The following KCNJ6 variants were observed in gnomAD, a reference collection of about 807,000 sequenced individuals.
KCNJ6 encodes potassium inwardly rectifying channel subfamily J member 6.
Under a neutral mutation model 34.2 loss-of-function variants are expected in KCNJ6, and 9 were observed. The ratio of observed to expected loss-of-function variants is 0.26; its 90% confidence interval spans 0.16 to 0.46. The LOEUF is 0.46. Ranked by LOEUF, KCNJ6 falls within the 20% of genes least tolerant of loss-of-function variation. The pLI is 1.00. For missense variants in KCNJ6, 236 were observed against 531.3 expected, an observed-to-expected ratio of 0.44 and a Z score of 5.46; for synonymous variants, 196 against 207.1, an observed-to-expected ratio of 0.95 and a Z score of 0.46.
intron 2 of KCNJ6, among the ~76,000 whole-genome samples, chr21:37,793,536 A>G (rs140351138): frequency 2.3e-5 from 3 of 130,968 alleles, no homozygotes; most frequent in African/African-American, 9.1e-5. Flanking sequence ...AAAGAGCGAG[A>G]CTCCATCTCA....
chr21:37,721,708 C>T (rs1032121334), intron 2 of KCNJ6, among the ~76,000 whole-genome samples: 1 of 152,180 alleles, frequency 6.6e-6, no homozygotes, highest in Non-Finnish European at 1.5e-5. Flanking sequence ...ATACAGGCTA[C>T]AACATGGCCT....
intron 3 of KCNJ6, among the ~76,000 whole-genome samples, chr21:37,681,837 A>T (rs1444590352): frequency 3.9e-5 from 6 of 152,178 alleles, no homozygotes; most frequent in Non-Finnish European, 8.8e-5. Flanking sequence ...CATACCTCTG[A>T]GTAGTAACCT....
At chr21:37,896,026 A>G (rs1188578816) in intron 1 of KCNJ6, among the ~76,000 whole-genome samples, 2 of 152,214 alleles carry the variant, frequency 1.3e-5, no homozygotes, top group Admixed American at 1.3e-4. Flanking sequence ...CAGGCTGCAC[A>G]GGAAGAATGA....
chr21:37,861,614 A>G (rs919722866), intron 1 of KCNJ6, among the ~76,000 whole-genome samples: 15 of 152,184 alleles, frequency 9.9e-5, no homozygotes, highest in African/African-American at 3.4e-4. Flanking sequence ...GCAGGCAGAC[A>G]TGCATTTTTC....
At chr21:37,700,863 C>T (rs533557886) in intron 3 of KCNJ6, among the ~76,000 whole-genome samples, 1 of 152,112 alleles carries the variant, frequency 6.6e-6, no homozygotes, top group Non-Finnish European at 1.5e-5. Context: ...GCCTTTTGCT[C>T]ATTTGCATAA....
In KCNJ6 at chr21:37,660,756, C is replaced by T. The variant is rs531980624; in HGVS notation, c.947-35272G>A. 4.8e-4 allele frequency among the ~76,000 whole-genome samples: 73 copies of T among 152,314 alleles called. 1 individual carries two copies. The South Asian group carries it at 0.01, about 21-fold the overall frequency. On this transcript the variant is annotated intron_variant, in intron 3 of 3. Coordinates refer to ENST00000609713, the MANE Select transcript of KCNJ6 (RefSeq NM_002240.5). ...GCTGGAGGGAGCTTGTTGGAGAGCA[C>T]GCTTACTGCGGGCCAGGCACTGCAC...
At chr21:37,746,408 G>T (rs1235953479) in intron 2 of KCNJ6, among the ~76,000 whole-genome samples, 1 of 152,172 alleles carries the variant, frequency 6.6e-6, no homozygotes. Flanking sequence ...GGTGATCTGG[G>T]GTTGCTTTGG....
At chr21:37,782,338 C>A (rs1030066824) in intron 2 of KCNJ6, among the ~76,000 whole-genome samples, 6 of 152,222 alleles carry the variant, frequency 3.9e-5, no homozygotes, top group African/African-American at 1.4e-4. Flanking sequence ...CTTTAATCCA[C>A]AGAATGCATG....
intron 2 of KCNJ6, among the ~76,000 whole-genome samples, chr21:37,767,636 T>G (rs928835804): frequency 6.6e-6 from 1 of 152,206 alleles, no homozygotes; most frequent in African/African-American, 2.4e-5. Context: ...CTGATCTAGA[T>G]CTAAGAAAGT....
chr21:37,815,812 T>G (rs2055343992), intron 2 of KCNJ6, among the ~76,000 whole-genome samples: 1 of 152,202 alleles, frequency 6.6e-6, no homozygotes, highest in African/African-American at 2.4e-5. Flanking sequence ...GCCCTTGGCT[T>G]TAGCCCCCAT....
intron 2 of KCNJ6, among the ~76,000 whole-genome samples, chr21:37,726,608 A>ATG (rs1217182592): frequency 2.6e-5 from 4 of 152,060 alleles, no homozygotes; most frequent in Non-Finnish European, 5.9e-5. Context: ...ATGTGTGTGT[A>ATG]TGTGTGTGTG....
chr21:37,807,704 G>T (rs1568855897), intron 2 of KCNJ6, among the ~76,000 whole-genome samples: 1 of 152,172 alleles, frequency 6.6e-6, no homozygotes, highest in African/African-American at 2.4e-5. Flanking sequence ...TAGGTTTGTG[G>T]TATCTATCTA....
rs954292406 is a variant in KCNJ6, at chr21:37,654,981, A to G, written c.947-29497T>C. 3.3e-5 allele frequency among the ~76,000 whole-genome samples: 5 copies of G among 152,256 alleles called. No individual in the cohort carries two copies. The East Asian group carries it at 9.7e-4, about 29-fold the overall frequency. Reference sequence around the variant, plus strand: ...CTCATGGGAGCTATGGGCAAGTACTACAGCTCTTTCCCATTAAACTTGAAC... The same window carrying G: ...CTCATGGGAGCTATGGGCAAGTACTGCAGCTCTTTCCCATTAAACTTGAAC... On this transcript the variant is annotated intron_variant, in intron 3 of 3. Coordinates refer to ENST00000609713, the MANE Select transcript of KCNJ6 (RefSeq NM_002240.5).
chr21:37,719,525 C>T (rs1015493594), intron 2 of KCNJ6: 1 of 152,118 alleles, frequency 6.6e-6, no homozygotes, highest in Non-Finnish European at 1.5e-5. Context: ...CCTCTGTTAA[C>T]CATGAAATGC....
At chr21:37,750,263 G>T (rs182179644) in intron 2 of KCNJ6, among the ~76,000 whole-genome samples, 1 of 152,152 alleles carries the variant, frequency 6.6e-6, no homozygotes, top group African/African-American at 2.4e-5. Flanking sequence ...AAACAGGAAC[G>T]CTTTTACACT....
At chr21:37,778,696 C>CGTGTGTGT (rs61218477) in intron 2 of KCNJ6, among the ~76,000 whole-genome samples, 8,144 of 146,208 alleles carry the variant, frequency 0.056, 535 homozygotes, top group East Asian at 0.36. Flanking sequence ...GTGCTGTGTG[C>CGTGTGTGT]GTGTGTGTGT....
At chr21:37,805,557 C>T (rs2123536105) in intron 2 of KCNJ6, among the ~76,000 whole-genome samples, 1 of 151,934 alleles carries the variant, frequency 6.6e-6, no homozygotes, top group East Asian at 1.9e-4. Flanking sequence ...GCCATGAGCC[C>T]CCTGAAGTCC....
intron 3 of KCNJ6, 73 bp from the exon 4 acceptor site, chr21:37,625,557 C>T: frequency 9.0e-7 from 1 of 1,115,612 alleles, no homozygotes; most frequent in East Asian, 2.4e-5. Flanking sequence ...CACAGAGAGC[C>T]AGGAGGAGTA....
At chr21:37,652,493 G>T (rs1462306262) in intron 3 of KCNJ6, among the ~76,000 whole-genome samples, 1 of 151,844 alleles carries the variant, frequency 6.6e-6, no homozygotes, top group East Asian at 1.9e-4. Context: ...GAGGGTTTTT[G>T]TTTTTTTTGT....
Sources: gnomAD v4.1 joint callset for allele counts (sites outside exome capture counted in the v4.1 genomes callset) on GRCh38, gnomAD v4.1.1 for gene constraint, MANE v1.5 for transcripts, NCBI Gene and HGNC (gene_info 2026-07-23, HGNC 2026-07-21) for gene names.